Variants in RAP1A observed in about 807,000 individuals in gnomAD.
The protein encoded by RAP1A is RAP1A, member of RAS oncogene family, also known as ras-related protein Rap-1A.
A neutral mutation model predicts 26.4 loss-of-function variants in RAP1A; 6 were observed. That is an observed-to-expected ratio of 0.23 (90% CI 0.12 to 0.45). The LOEUF is 0.45. RAP1A is among the 20% of genes least tolerant of loss of function. The pLI is 0.99. For synonymous variants in RAP1A, 73 were observed against 79.4 expected (o/e 0.92, Z 0.43); for missense variants, 121 against 217.2 (o/e 0.56, Z 2.78).
intron 1 of RAP1A, among the ~76,000 whole-genome samples, chr1:111,598,537 C>T (rs771797135): frequency 5.3e-5 from 8 of 152,060 alleles, no homozygotes; most frequent in Admixed American, 1.3e-4. Flanking sequence ...ATACCCCGGA[C>T]CAACCATCCC....
intron 1 of RAP1A, among the ~76,000 whole-genome samples, chr1:111,646,791 G>A (rs1448406447): frequency 4.6e-5 from 7 of 152,088 alleles, no homozygotes; most frequent in South Asian, 2.1e-4. Context: ...CGCCCGCCTC[G>A]GCTTCCCAAA....
upstream of RAP1A, among the ~76,000 whole-genome samples, chr1:111,616,112 AG>A (rs1048697106): frequency 4.6e-5 from 7 of 152,216 alleles, no homozygotes; most frequent in Admixed American, 4.6e-4. Context: ...AGCTGGATTT[AG>A]GAAGAAAGGT....
chr1:111,615,388 C>T (rs558965014), upstream of RAP1A, among the ~76,000 whole-genome samples: 1 of 151,832 alleles, frequency 6.6e-6, no homozygotes, highest in Non-Finnish European at 1.5e-5. Context: ...TTAACCAATA[C>T]CTGACCTAGG....
intron 1 of RAP1A, among the ~76,000 whole-genome samples, chr1:111,560,683 G>A (rs190266825): frequency 7.7e-4 from 117 of 152,040 alleles, no homozygotes; most frequent in Non-Finnish European, 1.9e-4. Flanking sequence ...GGAGAGACAG[G>A]GACCCACTTT....
chr1:111,650,244 A>G (rs924740602), intron 1 of RAP1A, among the ~76,000 whole-genome samples: 2 of 152,116 alleles, frequency 1.3e-5, no homozygotes, highest in Non-Finnish European at 2.9e-5. Flanking sequence ...TTGCCCTGAG[A>G]TAAATAGCTA....
intron 1 of RAP1A, among the ~76,000 whole-genome samples, chr1:111,566,504 G>A (rs1657920918): frequency 6.6e-6 from 1 of 152,124 alleles, no homozygotes. Context: ...GGGGTGTGAG[G>A]GCTGACTTCA....
intron 1 of RAP1A, among the ~76,000 whole-genome samples, chr1:111,585,993 G>C (rs963879967): frequency 2.6e-5 from 4 of 152,076 alleles, no homozygotes; most frequent in Admixed American, 1.3e-4. Flanking sequence ...CAGTTCATTT[G>C]TATGTATCTC....
intron 2 of RAP1A, among the ~76,000 whole-genome samples, chr1:111,691,954 C>A (rs531692): frequency 0.41 from 62,849 of 151,960 alleles, 13,226 homozygotes; most frequent in African/African-American, 0.49. Flanking sequence ...CTACTTGGTT[C>A]TACTTGTGAG....
chr1:111,700,861 C>T (rs561757348), intron 4 of RAP1A, among the ~76,000 whole-genome samples: 39 of 152,268 alleles, frequency 2.6e-4, no homozygotes, highest in South Asian at 1.7e-3. Flanking sequence ...TCAGAAAACC[C>T]TACTGGCTTT....
chr1:111,648,934 T>A (rs1660169023), intron 1 of RAP1A: 1 of 712,058 alleles, frequency 1.4e-6, no homozygotes, highest in Admixed American at 1.8e-5. Context: ...CCTTTATGGT[T>A]CTTCTTCATG....
intron 1 of RAP1A, among the ~76,000 whole-genome samples, chr1:111,572,126 C>G (rs1433029923): frequency 2.6e-5 from 4 of 152,300 alleles, no homozygotes; most frequent in African/African-American, 9.6e-5. Context: ...TGCATCAGCA[C>G]CAGGGAGGTA....
chr1:111,567,874 G>T (rs960832024), intron 1 of RAP1A, among the ~76,000 whole-genome samples: 1 of 152,162 alleles, frequency 6.6e-6, no homozygotes, highest in Non-Finnish European at 1.5e-5. Flanking sequence ...CCAGCCTCCA[G>T]AACTATGAAA....
At chr1:111,582,593 A>G (rs1658278955) in intron 1 of RAP1A, among the ~76,000 whole-genome samples, 1 of 152,226 alleles carries the variant, frequency 6.6e-6, no homozygotes, top group African/African-American at 2.4e-5. Flanking sequence ...TAATTTGGGA[A>G]TATTTAAGCT....
At chr1:111,702,891 T>A (rs1050116093) in intron 4 of RAP1A, among the ~76,000 whole-genome samples, 1 of 152,102 alleles carries the variant, frequency 6.6e-6, no homozygotes, top group Admixed American at 6.6e-5. Context: ...GTTTATTGAC[T>A]GTCAAGATGA....
chr1:111,612,614 C>T (rs528788833), intron 1 of RAP1A, among the ~76,000 whole-genome samples: 8 of 152,124 alleles, frequency 5.3e-5, no homozygotes, highest in African/African-American at 1.9e-4. Flanking sequence ...ATCAAGAAAC[C>T]AACTGTATTG....
chr1:111,665,689 G>A (rs1364139364), intron 1 of RAP1A, among the ~76,000 whole-genome samples: 1 of 152,174 alleles, frequency 6.6e-6, no homozygotes, highest in African/African-American at 2.4e-5. Context: ...TGCTAAAACA[G>A]GATATGCATT....
chr1:111,645,329 G>T (rs1407856356), intron 1 of RAP1A, among the ~76,000 whole-genome samples: 1 of 152,170 alleles, frequency 6.6e-6, no homozygotes, highest in African/African-American at 2.4e-5. Flanking sequence ...TAGGAAAAAA[G>T]ATCATAGTAA....
At chr1:111,677,778 T>C (rs1463348183) in intron 1 of RAP1A, among the ~76,000 whole-genome samples, 15 of 152,202 alleles carry the variant, frequency 9.9e-5, no homozygotes, top group Admixed American at 9.8e-4. Flanking sequence ...TTTTAGCTTC[T>C]GCCGTATCGT....
At chr1:111,559,715 T>C (rs1338463867) in intron 1 of RAP1A, among the ~76,000 whole-genome samples, 1 of 152,240 alleles carries the variant, frequency 6.6e-6, no homozygotes, top group South Asian at 2.1e-4. Context: ...ACTGCCTTCC[T>C]GGTCTTAGGG....
Sources: allele counts gnomAD v4.1 joint callset (sites outside exome capture counted in the v4.1 genomes callset), GRCh38; gene constraint gnomAD v4.1.1; transcripts MANE v1.5; gene names NCBI Gene and HGNC (gene_info 2026-07-23, HGNC 2026-07-21).